RFX8: variants seen among roughly 807,000 people sequenced by gnomAD.
RFX8 encodes the protein DNA-binding protein RFX8.
RFX8 carries 46 observed loss-of-function variants against 54.6 expected under a neutral mutation model. That is an observed-to-expected ratio of 0.84 (90% CI 0.67 to 1.08). The LOEUF is 1.08. Among genes scored for constraint, RFX8 ranks in the 50% least tolerant of loss-of-function variants. RFX8 has a pLI of 0.00. For missense variants in RFX8, 536 were observed against 562.3 expected (o/e 0.95, Z 0.47); for synonymous variants, 192 against 209.5 (o/e 0.92, Z 0.72).
At chr2:101,422,980 G>T (rs562955961) in intron 2 of RFX8, among the ~76,000 whole-genome samples, 2 of 152,118 alleles carry the variant, frequency 1.3e-5, no homozygotes, top group Non-Finnish European at 2.9e-5. Context: ...TTACAGGCCC[G>T]GGCATGGTGG....
At chr2:101,474,243 G>A in intron 1 of RFX8, 2 of 616,478 alleles carry the variant, frequency 3.2e-6, no homozygotes, top group Admixed American at 2.8e-5. Context: ...TACCCTCGCC[G>A]CTCGACGGCG....
chr2:101,440,447 T>C (rs1688032910), intron 2 of RFX8, among the ~76,000 whole-genome samples: 1 of 152,226 alleles, frequency 6.6e-6, no homozygotes, highest in Non-Finnish European at 1.5e-5. Context: ...ATAGGGTGCT[T>C]ATGTGACCAG....
chr2:101,409,667 T>A (rs1685977095), intron 9 of RFX8, among the ~76,000 whole-genome samples: 1 of 152,164 alleles, frequency 6.6e-6, no homozygotes, highest in African/African-American at 2.4e-5. Flanking sequence ...GCCCAGCTAA[T>A]TTTTGTATTT....
At chr2:101,452,522 T>C in intron 2 of RFX8, 1 of 586,076 alleles carries the variant, frequency 1.7e-6, no homozygotes, top group Non-Finnish European at 2.6e-6. Context: ...TCTTACAATA[T>C]TTAAATGATA....
intron 9 of RFX8, among the ~76,000 whole-genome samples, chr2:101,406,566 T>C (rs1316902555): frequency 6.6e-6 from 1 of 151,994 alleles, no homozygotes; most frequent in African/African-American, 2.4e-5. Flanking sequence ...GGCCTTAACT[T>C]CTAGGCTCAA....
intron 7 of RFX8, among the ~76,000 whole-genome samples, chr2:101,414,227 T>C (rs1417384347): frequency 6.6e-6 from 1 of 152,204 alleles, no homozygotes; most frequent in Non-Finnish European, 1.5e-5. Flanking sequence ...CCTCTGACAC[T>C]GGCACCTCTG....
At chr2:101,453,250 C>T (rs1433680295) in intron 2 of RFX8, among the ~76,000 whole-genome samples, 4 of 149,452 alleles carry the variant, frequency 2.7e-5, no homozygotes, top group African/African-American at 5.0e-5. Context: ...GCACTCCAGC[C>T]TGGGTGACAG....
Position 101,413,083 on chromosome 2 carries a change from A to C in RFX8, c.562-12T>G, listed in dbSNP as rs1489975374. Reference sequence around the variant, plus strand: ...ACCATTCGCATAGTCTAAAGATAACAGGGAGGCATAATACTTAATTCAATC... The same window carrying C: ...ACCATTCGCATAGTCTAAAGATAACCGGGAGGCATAATACTTAATTCAATC... On this transcript the variant is annotated splice_polypyrimidine_tract_variant and intron_variant, in intron 7 of 11. Transcript: ENST00000428343. 13 of 1,549,232 alleles carry C rather than the reference A, an allele frequency of 8.4e-6. No homozygotes were observed. The highest frequency in any genetic ancestry group is 1.0e-5 in the Non-Finnish European group (12 of 1,145,870).
At chr2:101,443,891 A>T (rs1688233221) in intron 2 of RFX8, among the ~76,000 whole-genome samples, 3 of 152,126 alleles carry the variant, frequency 2.0e-5, no homozygotes, top group African/African-American at 4.8e-5. Flanking sequence ...CCACAGTAGC[A>T]GCTTCAGAGT....
chr2:101,460,999 T>G (rs553793538), intron 2 of RFX8, among the ~76,000 whole-genome samples: 2 of 151,546 alleles, frequency 1.3e-5, no homozygotes, highest in Non-Finnish European at 2.9e-5. Context: ...ACAGGCACGG[T>G]GGCTCACGCC....
chr2:101,397,654 T>A lies in RFX8; in HGVS notation c.1316A>T (p.Glu439Val). The change falls in exon 12 of 12, where the codon GAA becomes GTA. Residue 439 changes from glutamate to valine, a missense_variant. Physicochemically the swap from Glu to Val is moderately radical, Grantham distance 121 (BLOSUM62 -2). Coordinates refer to ENST00000428343, the MANE Select transcript of RFX8 (RefSeq NM_001145664.2). ...TCCATCTTTTAGGGTTATGAGGGCT[T>A]CTTGTCCCATAGGAAGGCTGAGTTT... The part of the protein sequence containing the change: ...AVKLSLPMGQ[E>V]ALITLKDGQQ... 6.4e-7 allele frequency: 1 copy of A among 1,551,560 alleles called. No individual in the cohort carries two copies. The highest frequency in any genetic ancestry group is 8.7e-7 in the Non-Finnish European group (1 of 1,146,900).
At chr2:101,451,689 C>CA (rs11441528) in intron 2 of RFX8, among the ~76,000 whole-genome samples, 37,566 of 111,254 alleles carry the variant, frequency 0.34, 6,046 homozygotes, top group African/African-American at 0.4. Flanking sequence ...AACTCCGTCT[C>CA]AAAAAAAAAA....
chr2:101,459,634 G>A (rs904009999), intron 2 of RFX8, among the ~76,000 whole-genome samples: 1 of 152,148 alleles, frequency 6.6e-6, no homozygotes, highest in African/African-American at 2.4e-5. Context: ...CCCACCATAT[G>A]AGGTGTCTGT....
In RFX8 at chr2:101,429,640, G is replaced by A. The variant is rs370882331; in HGVS notation, c.73-7168C>T. Among the ~76,000 whole-genome samples, 3 of 152,164 alleles carry A rather than the reference G, an allele frequency of 2.0e-5. No individual in the cohort carries two copies. The East Asian group carries it at 5.8e-4, about 29-fold the overall frequency. ...CATTCTCAAGATGCCAGAGGTGGTG[G>A]TGTCTCCTCCCACGTCCCCGTCACT... is the stretch of plus-strand genomic sequence containing the variant. On this transcript the variant is annotated intron_variant, in intron 2 of 11. Coordinates refer to ENST00000428343, the MANE Select transcript of RFX8 (RefSeq NM_001145664.2).
At chr2:101,414,805 T>G in intron 7 of RFX8, 49 bp downstream of exon 7, 3 of 1,400,512 alleles carry the variant, frequency 2.1e-6, no homozygotes, top group Non-Finnish European at 3.0e-6. Flanking sequence ...CTTTCACCTC[T>G]TTTCAGGAAA....
chr2:101,421,658 T>C, intron 4 of RFX8, 66 bp downstream of exon 4: 1 of 1,511,214 alleles, frequency 6.6e-7, no homozygotes, highest in East Asian at 2.5e-5. Context: ...AAATGATTAA[T>C]AAGGAGTCAT....
intron 2 of RFX8, among the ~76,000 whole-genome samples, chr2:101,425,212 C>T (rs1443828394): frequency 6.6e-6 from 1 of 152,020 alleles, no homozygotes; most frequent in Admixed American, 6.6e-5. Flanking sequence ...AATGAAAGAC[C>T]CCAACTACAT....
chr2:101,436,511 C>A (rs1020730597), intron 2 of RFX8, among the ~76,000 whole-genome samples: 2 of 152,120 alleles, frequency 1.3e-5, no homozygotes, highest in East Asian at 3.9e-4. Flanking sequence ...ACCCTCACCC[C>A]CAACCAAAAT....
chr2:101,448,361 C>T (rs897122177), intron 2 of RFX8, among the ~76,000 whole-genome samples: 1 of 152,132 alleles, frequency 6.6e-6, no homozygotes, highest in African/African-American at 2.4e-5. Context: ...TCCATGCATG[C>T]CTGTACAGGA....
Sources: gnomAD v4.1 joint callset for allele counts (sites outside exome capture counted in the v4.1 genomes callset) on GRCh38, gnomAD v4.1.1 for gene constraint, MANE v1.5 for transcripts, NCBI Gene and HGNC (gene_info 2026-07-23, HGNC 2026-07-21) for gene names.